OPCML: variants seen among roughly 807,000 people sequenced by gnomAD.
OPCML encodes opioid-binding protein/cell adhesion molecule.
OPCML carries 13 observed loss-of-function variants against 37.8 expected under a neutral mutation model. The observed-to-expected ratio is 0.34, with a 90% CI of 0.22 to 0.55. The LOEUF is 0.55. Among genes scored for constraint, OPCML ranks in the 20% least tolerant of loss-of-function variants. The pLI, the probability that OPCML is intolerant of heterozygous loss-of-function variation, is 0.91. For synonymous variants in OPCML, 176 were observed against 168.8 expected (o/e 1.04, Z -0.33); for missense variants, 341 against 435.6 (o/e 0.78, Z 1.93).
At chr11:132,485,594 C>T (rs74798802) in intron 4 of OPCML, among the ~76,000 whole-genome samples, 1,858 of 152,324 alleles carry the variant, frequency 0.012, 45 homozygotes, top group African/African-American at 0.043. Context: ...TCAATTTCTC[C>T]TACTATGACT....
At chr11:132,976,555 G>A (rs1946469250) in intron 1 of OPCML, among the ~76,000 whole-genome samples, 1 of 152,130 alleles carries the variant, frequency 6.6e-6, no homozygotes, top group African/African-American at 2.4e-5. Flanking sequence ...CCCATCAGGT[G>A]TTCAAGTTGA....
chr11:133,207,026 G>T (rs1241101476), intron 1 of OPCML, among the ~76,000 whole-genome samples: 1 of 150,890 alleles, frequency 6.6e-6, no homozygotes, highest in Admixed American at 6.6e-5. Context: ...GGTGGCTCAC[G>T]CCTGTAATCC....
At chr11:132,786,955 T>G (rs1947235261) in intron 2 of OPCML, among the ~76,000 whole-genome samples, 1 of 152,118 alleles carries the variant, frequency 6.6e-6, no homozygotes, top group Non-Finnish European at 1.5e-5. Flanking sequence ...AGTTCTAGCC[T>G]AGACCAGCCT....
Position 133,177,526 on chromosome 11 carries a change from C to A in OPCML, c.62-234516G>T, listed in dbSNP as rs983871286. On this transcript the variant is annotated intron_variant, in intron 1 of 7. Coordinates refer to ENST00000524381, the MANE Select transcript of OPCML (RefSeq NM_001012393.5). The surrounding 1 kb of genome is among the most constrained non-coding windows in gnomAD (Gnocchi z 5.0). ...TTCCTGATGGACAGGAAAGACTGCA[C>A]CAGACCCTAGCTTTCCCAGGGAAAG... Among the ~76,000 whole-genome samples, 2 of 152,152 alleles carry A rather than the reference C, an allele frequency of 1.3e-5. No individual in the cohort carries two copies. Among genetic ancestry groups the A allele is most frequent in the Non-Finnish European group, 2.9e-5 (2 of 68,024 alleles).
At chr11:133,118,649 TG>T (rs1949373916) in intron 1 of OPCML, among the ~76,000 whole-genome samples, 1 of 149,996 alleles carries the variant, frequency 6.7e-6, no homozygotes, top group African/African-American at 2.5e-5. Context: ...TTTTACCATA[TG>T]AAAAAAAAAA....
chr11:132,810,667 G>A (rs890672074), intron 2 of OPCML: 9 of 152,276 alleles, frequency 5.9e-5, no homozygotes, highest in African/African-American at 2.2e-4. Flanking sequence ...CTCCAGCCTG[G>A]TTGATGGAGC....
intron 1 of OPCML, among the ~76,000 whole-genome samples, chr11:133,000,972 G>A (rs766189636): frequency 2.1e-4 from 32 of 152,136 alleles, no homozygotes; most frequent in African/African-American, 4.6e-4. Context: ...TCCCTCTCTC[G>A]CCATGTGATA....
At chr11:132,637,020 T>A (rs1281826371) in intron 3 of OPCML, among the ~76,000 whole-genome samples, 1 of 152,222 alleles carries the variant, frequency 6.6e-6, no homozygotes, top group Non-Finnish European at 1.5e-5. Context: ...CCTGACTTCA[T>A]TGACACGCCA....
At chr11:133,241,836 C>T (rs1302002167) in intron 1 of OPCML, among the ~76,000 whole-genome samples, 3 of 152,190 alleles carry the variant, frequency 2.0e-5, no homozygotes, top group African/African-American at 7.2e-5. Flanking sequence ...CCAACAACTT[C>T]CACGCTTCCA....
At chr11:133,007,480 T>C in intron 1 of OPCML, 5 of 985,458 alleles carry the variant, frequency 5.1e-6, no homozygotes, top group Non-Finnish European at 6.0e-6. Flanking sequence ...TTCTATTAAT[T>C]TGTTAATGAA....
intron 1 of OPCML, among the ~76,000 whole-genome samples, chr11:133,511,503 G>A (rs572405836): frequency 1.1e-4 from 17 of 151,808 alleles, no homozygotes; most frequent in Non-Finnish European, 2.2e-4. Context: ...ACTGTTGCTT[G>A]AATAAGCCAG....
At position 133,480,142 on chromosome 11, in the gene OPCML, C is replaced by T. The variant is rs778424051; in HGVS notation, c.61+52122G>A. Among the ~76,000 whole-genome samples, 45 of 152,338 alleles carry T rather than the reference C, an allele frequency of 3.0e-4. 1 individual carries two copies. The highest frequency in any genetic ancestry group is 3.4e-3 in the Middle Eastern group (1 of 294). On this transcript the variant is annotated intron_variant, in intron 1 of 7. Coordinates refer to ENST00000524381, the MANE Select transcript of OPCML (RefSeq NM_001012393.5). ...TCCCAGCACATCCACCCCTTCCCTTCCCTTGATCGGATGGCTTGGTCTCAG... is the reference window on the plus strand; with the variant it reads ...TCCCAGCACATCCACCCCTTCCCTTTCCTTGATCGGATGGCTTGGTCTCAG...
At chr11:132,823,668 T>A (rs1230723504) in intron 2 of OPCML, among the ~76,000 whole-genome samples, 1 of 152,168 alleles carries the variant, frequency 6.6e-6, no homozygotes, top group Non-Finnish European at 1.5e-5. Flanking sequence ...TATTTTTTGT[T>A]CTGTTTCACA....
rs540544732 is a variant in OPCML at position 133,511,102 on chromosome 11, C to T, written c.61+21162G>A. 3.3e-5 allele frequency among the ~76,000 whole-genome samples: 5 copies of T among 152,258 alleles called. No homozygotes were observed. The East Asian group carries it at 5.8e-4, about 18-fold the overall frequency. On this transcript the variant is annotated intron_variant, in intron 1 of 7. Coordinates refer to ENST00000524381, the MANE Select transcript of OPCML (RefSeq NM_001012393.5). ...ACGGATCAAAGAATTTGGAGTCCTC[C>T]GTGAATCCACTCTCTCTCACCTGAT...
intron 1 of OPCML, chr11:133,006,397 C>T: frequency 1.0e-6 from 1 of 971,374 alleles, no homozygotes; most frequent in Non-Finnish European, 1.2e-6. Flanking sequence ...GACAAAGAAC[C>T]CCATCTTTAG....
At chr11:132,437,439 TAGG>T in intron 4 of OPCML, 80 bp from the exon 5 acceptor site, 2 of 1,556,414 alleles carry the variant, frequency 1.3e-6, no homozygotes, top group South Asian at 1.2e-5. Flanking sequence ...CTAGAGATTG[TAGG>T]AGGAGGAAGA....
chr11:133,041,820 TC>T (rs1947902682), intron 1 of OPCML, among the ~76,000 whole-genome samples: 1 of 152,124 alleles, frequency 6.6e-6, no homozygotes, highest in South Asian at 2.1e-4. Flanking sequence ...TCTATATAGG[TC>T]TTCTTCGGGC....
intron 1 of OPCML, among the ~76,000 whole-genome samples, chr11:133,221,450 C>G (rs1939824201): frequency 6.6e-6 from 1 of 152,150 alleles, no homozygotes; most frequent in South Asian, 2.1e-4. Flanking sequence ...ACACTAGCTC[C>G]CTGAGTTGTT....
chr11:133,430,821 A>G (rs1946100411), intron 1 of OPCML, among the ~76,000 whole-genome samples: 1 of 152,198 alleles, frequency 6.6e-6, no homozygotes. Flanking sequence ...AAATTTTTTA[A>G]CCTTCTTAAA....
Sources: gnomAD v4.1 joint callset for allele counts (sites outside exome capture counted in the v4.1 genomes callset) on GRCh38, gnomAD v4.1.1 for gene constraint, Gnocchi (gnomAD v3.1) non-coding constraint, MANE v1.5 for transcripts, NCBI Gene and HGNC (gene_info 2026-07-23, HGNC 2026-07-21) for gene names.